CALN1: variants seen among roughly 807,000 people sequenced by gnomAD.
The protein encoded by CALN1 is calcium-binding protein 8.
CALN1 carries 17 observed loss-of-function variants against 30.6 expected under a neutral mutation model. That is an observed-to-expected ratio of 0.56 (90% CI 0.38 to 0.83). CALN1 has a LOEUF of 0.83. Ranked by LOEUF, CALN1 falls within the 40% of genes least tolerant of loss-of-function variation. The pLI, the probability that CALN1 is intolerant of heterozygous loss-of-function variation, is 0.00. For synonymous variants in CALN1, 156 were observed against 131.4 expected (o/e 1.19, Z -1.28); for missense variants, 291 against 354.9 (o/e 0.82, Z 1.45).
the CALN1 span, among the ~76,000 whole-genome samples, chr7:72,466,468 G>T: frequency 1.6e-4 from 25 of 152,226 alleles, no homozygotes; most frequent in South Asian, 5.2e-3. Flanking sequence ...GGGTCGCCAG[G>T]TGCAGTGGCT....
chr7:72,184,964 A>G (rs1220270038), intron 3 of CALN1, among the ~76,000 whole-genome samples: 1 of 151,448 alleles, frequency 6.6e-6, no homozygotes, highest in African/African-American at 2.4e-5. Flanking sequence ...GCTAATTTTT[A>G]TTTTATTTTA....
intron 2 of CALN1, among the ~76,000 whole-genome samples, chr7:72,300,260 A>G (rs1191094452): frequency 6.6e-6 from 1 of 152,132 alleles, no homozygotes; most frequent in African/African-American, 2.4e-5. Context: ...CAGTTCAGAG[A>G]AAGTAATTTG....
chr7:72,244,861 G>C (rs1015066444), intron 3 of CALN1, among the ~76,000 whole-genome samples: 1 of 152,132 alleles, frequency 6.6e-6, no homozygotes, highest in Non-Finnish European at 1.5e-5. Flanking sequence ...ACTTCAGAGA[G>C]AGAGGAAAAG....
intron 2 of CALN1, among the ~76,000 whole-genome samples, chr7:72,344,784 G>A (rs939892112): frequency 3.4e-5 from 5 of 145,888 alleles, no homozygotes; most frequent in African/African-American, 1.0e-4. Flanking sequence ...TTTTCAAAAC[G>A]TATATTAACC....
intron 5 of CALN1, among the ~76,000 whole-genome samples, chr7:71,916,520 G>A (rs1255222676): frequency 1.3e-5 from 2 of 152,084 alleles, no homozygotes; most frequent in African/African-American, 4.8e-5. Flanking sequence ...TCCTTGCCAG[G>A]AACATGGATG....
chr7:72,357,120 C>T (rs1438475541), intron 2 of CALN1, among the ~76,000 whole-genome samples: 1 of 151,968 alleles, frequency 6.6e-6, no homozygotes, highest in Non-Finnish European at 1.5e-5. Context: ...AACTTAGAGA[C>T]AGCCTTAACC....
chr7:72,404,782 G>C (rs1472304720), intron 1 of CALN1, among the ~76,000 whole-genome samples: 1 of 152,202 alleles, frequency 6.6e-6, no homozygotes, highest in African/African-American at 2.4e-5. Context: ...GCAGGAAGAA[G>C]GCTTGAAGAG....
chr7:72,078,681 T>G (rs990794714), intron 4 of CALN1, among the ~76,000 whole-genome samples: 1 of 151,980 alleles, frequency 6.6e-6, no homozygotes, highest in Non-Finnish European at 1.5e-5. Context: ...GCCTGTAATC[T>G]CTGCACTTTG....
At chr7:72,328,704 T>C (rs1307597176) in intron 2 of CALN1, among the ~76,000 whole-genome samples, 1 of 152,222 alleles carries the variant, frequency 6.6e-6, no homozygotes, top group Non-Finnish European at 1.5e-5. Flanking sequence ...TACATTTATT[T>C]ACTTTTGTTG....
At chr7:72,364,334 T>C (rs1286279331) in intron 2 of CALN1, among the ~76,000 whole-genome samples, 3 of 152,224 alleles carry the variant, frequency 2.0e-5, no homozygotes, top group Non-Finnish European at 4.4e-5. Context: ...AAATAATTAA[T>C]GGGGAAGAAC....
intron 3 of CALN1, among the ~76,000 whole-genome samples, chr7:72,121,854 CTAT>C (rs1376125840): frequency 6.8e-6 from 1 of 146,478 alleles, no homozygotes; most frequent in Non-Finnish European, 1.5e-5. Flanking sequence ...ATTATAATAT[CTAT>C]TATATAATTA....
chr7:72,012,587 C>T (rs978678295), intron 5 of CALN1, among the ~76,000 whole-genome samples: 6 of 152,098 alleles, frequency 3.9e-5, no homozygotes, highest in Admixed American at 6.5e-5. Context: ...GACTTTTTCC[C>T]AAAATATGAG....
At chr7:72,218,214 C>T (rs531649298) in intron 3 of CALN1, among the ~76,000 whole-genome samples, 3 of 151,720 alleles carry the variant, frequency 2.0e-5, no homozygotes, top group South Asian at 2.1e-4. Context: ...TTTGAGAGGA[C>T]GAGGCAGGCG....
chr7:71,854,340 A>C (rs1203463494), intron 5 of CALN1, among the ~76,000 whole-genome samples: 4 of 152,104 alleles, frequency 2.6e-5, no homozygotes, highest in African/African-American at 9.7e-5. Flanking sequence ...TCCCTCTAAA[A>C]AAATAACAAT....
chr7:71,891,170 G>C (rs574428174), intron 5 of CALN1, among the ~76,000 whole-genome samples: 5 of 152,028 alleles, frequency 3.3e-5, no homozygotes, highest in African/African-American at 1.2e-4. Flanking sequence ...CCATAACATA[G>C]GAACATTCTT....
intron 5 of CALN1, among the ~76,000 whole-genome samples, chr7:71,986,691 C>A: frequency 6.6e-6 from 1 of 152,206 alleles, no homozygotes; most frequent in East Asian, 1.9e-4. Context: ...GGACACAGAT[C>A]TACAATATTT....
At chr7:71,832,803 G>A (rs921516896) in intron 5 of CALN1, among the ~76,000 whole-genome samples, 4 of 147,740 alleles carry the variant, frequency 2.7e-5, no homozygotes, top group African/African-American at 7.5e-5. Flanking sequence ...AAGGGGTTTC[G>A]CCATCTTGGC....
intron 4 of CALN1, among the ~76,000 whole-genome samples, chr7:72,029,143 T>C (rs1241827896): frequency 6.6e-6 from 1 of 152,106 alleles, no homozygotes; most frequent in African/African-American, 2.4e-5. Flanking sequence ...TTTTTTCTTT[T>C]TGAGACAGAG....
At chr7:72,170,077 C>T (rs564613592) in intron 3 of CALN1, among the ~76,000 whole-genome samples, 5 of 152,332 alleles carry the variant, frequency 3.3e-5, no homozygotes, top group African/African-American at 9.6e-5. Flanking sequence ...CAGCTCACTG[C>T]AGCCTGGAAC....
Sources: allele counts gnomAD v4.1 joint callset (sites outside exome capture counted in the v4.1 genomes callset), GRCh38; gene constraint gnomAD v4.1.1; transcripts MANE v1.5; gene names NCBI Gene and HGNC (gene_info 2026-07-23, HGNC 2026-07-21).